The following OSBP variants were observed in gnomAD, a reference collection of about 807,000 sequenced individuals.
The protein encoded by OSBP is oxysterol binding protein.
OSBP carries 32 observed loss-of-function variants against 96.6 expected under a neutral mutation model. The ratio of observed to expected loss-of-function variants is 0.33; its 90% CI spans 0.25 to 0.45. The LOEUF is 0.45. OSBP is among the 20% of genes least tolerant of loss of function. The probability of loss-of-function intolerance (pLI) is 1.00; values close to 1 mark genes in which losing one functional copy is unlikely to be tolerated. For missense variants in OSBP, 653 were observed against 1,029.7 expected (o/e 0.63, Z 5.01); for synonymous variants, 369 against 389.6 (o/e 0.95, Z 0.62).
At chr11:59,607,061 ATAAAGGGATGCTT>A (rs1860788436) in intron 3 of OSBP, among the ~76,000 whole-genome samples, 1 of 152,238 alleles carries the variant, frequency 6.6e-6, no homozygotes, top group South Asian at 2.1e-4. Flanking sequence ...GTTTAGGTTT[ATAAAGGGATGCTT>A]TACTTAGCAA....
chr11:59,599,538 G>A (rs1160362621), intron 7 of OSBP, among the ~76,000 whole-genome samples: 1 of 152,078 alleles, frequency 6.6e-6, no homozygotes, highest in Admixed American at 6.6e-5. Flanking sequence ...TAGGCACCCA[G>A]AAAATGCTTG....
chr11:59,606,658 C>T (rs1242644811), intron 3 of OSBP, among the ~76,000 whole-genome samples: 1 of 152,216 alleles, frequency 6.6e-6, no homozygotes, highest in East Asian at 1.9e-4. Context: ...AACAAACCTG[C>T]ACACGTGCCC....
intron 9 of OSBP, among the ~76,000 whole-genome samples, chr11:59,586,605 A>T (rs1039924251): frequency 1.3e-5 from 2 of 152,224 alleles, no homozygotes; most frequent in Admixed American, 1.3e-4. Context: ...GCCAAAGAAC[A>T]AAGCTAGAGG....
In OSBP at chr11:59,574,420, T is replaced by C. The variant is rs1233671464; in HGVS notation, c.*2157A>G. On this transcript the variant is annotated 3_prime_UTR_variant, in exon 14 of 14. Coordinates refer to ENST00000263847, the MANE Select transcript of OSBP (RefSeq NM_002556.3). ...ATATGACTTTTAAAAAATTATTTAA[T>C]TTAGTAGTTTTTTTTTTTTGGAAAA... 6.6e-6 allele frequency: 1 copy of C among 150,866 alleles called. No individual in the cohort carries two copies. The highest frequency in any genetic ancestry group is 1.9e-4 in the East Asian group (1 of 5,190). 9.3% of individuals were successfully genotyped at this position (150,866 alleles called of 1,614,324 possible). A position where few individuals can be genotyped will look rare whatever the true frequency, so the allele number is the denominator to read the frequency against.
intron 8 of OSBP, 78 bp downstream of exon 8, chr11:59,593,932 A>G (rs1860616986): frequency 1.3e-6 from 2 of 1,550,364 alleles, no homozygotes; most frequent in Admixed American, 1.9e-5. Flanking sequence ...TTCTGCAAAC[A>G]TAAGACCCAG....
Position 59,584,837 on chromosome 11 carries a change from G to C in OSBP, c.1679-3283C>G, listed in dbSNP as rs532998007. On this transcript the variant is annotated intron_variant, in intron 9 of 13. Transcript: ENST00000263847. Reference sequence around the variant, plus strand: ...AAATAAAAGGCATCCAAGATGGAAAGAAAGAGATAAAATTATCTGTGTTTG... The same window carrying C: ...AAATAAAAGGCATCCAAGATGGAAACAAAGAGATAAAATTATCTGTGTTTG... 2.6e-5 allele frequency among the ~76,000 whole-genome samples: 4 copies of C among 152,124 alleles called. No homozygotes were observed. In the East Asian group the frequency reaches 5.8e-4, roughly 22 times the overall value.
intron 11 of OSBP, 84 bp downstream of exon 11, chr11:59,580,090 T>G: frequency 1.1e-6 from 1 of 884,514 alleles, no homozygotes. Context: ...CCACCCCACA[T>G]GTATATACAT....
intron 7 of OSBP, among the ~76,000 whole-genome samples, chr11:59,599,095 C>T (rs769417920): frequency 2.6e-5 from 4 of 152,220 alleles, no homozygotes; most frequent in Non-Finnish European, 4.4e-5. Context: ...TGGGCTTGAA[C>T]ATAATGAGTT....
At chr11:59,592,101 C>T (rs576416023) in intron 9 of OSBP, among the ~76,000 whole-genome samples, 1 of 152,302 alleles carries the variant, frequency 6.6e-6, no homozygotes, top group South Asian at 2.1e-4. Flanking sequence ...CCACTGACAC[C>T]CAAATTCTGC....
intron 2 of OSBP, among the ~76,000 whole-genome samples, chr11:59,609,878 TTAAG>T (rs1461217279): frequency 1.3e-5 from 2 of 151,978 alleles, no homozygotes; most frequent in African/African-American, 2.4e-5. Flanking sequence ...TAACAAAGAG[TTAAG>T]TAAGAAGGTA....
intron 3 of OSBP, among the ~76,000 whole-genome samples, chr11:59,606,758 A>T (rs942680418): frequency 6.6e-6 from 1 of 152,250 alleles, no homozygotes; most frequent in African/African-American, 2.4e-5. Context: ...TAGAGCTGTG[A>T]TGCTCTAGCA....
chr11:59,582,233 AG>A (rs1271953087), intron 9 of OSBP, among the ~76,000 whole-genome samples: 1 of 152,256 alleles, frequency 6.6e-6, no homozygotes, highest in African/African-American at 2.4e-5. Context: ...TTAGGATGCC[AG>A]GCTCCACCAT....
chr11:59,578,467 T>C, intron 11 of OSBP, 137 bp from the exon 12 acceptor site: 1 of 806,042 alleles, frequency 1.2e-6, no homozygotes, highest in Non-Finnish European at 2.0e-6. Context: ...AAATTATTAT[T>C]AGAGATGGGA....
chr11:59,595,986 A>T (rs1420572208), intron 7 of OSBP, among the ~76,000 whole-genome samples: 1 of 150,106 alleles, frequency 6.7e-6, no homozygotes, highest in Non-Finnish European at 1.5e-5. Context: ...TAAATAAATA[A>T]ATAAATAAAT....
At chr11:59,577,903 C>A (rs1860378649) in intron 12 of OSBP, among the ~76,000 whole-genome samples, 2 of 152,216 alleles carry the variant, frequency 1.3e-5, no homozygotes, top group Non-Finnish European at 2.9e-5. Flanking sequence ...GAATCACAAT[C>A]CAAAGGACCT....
intron 9 of OSBP, among the ~76,000 whole-genome samples, chr11:59,585,364 C>T (rs1300289499): frequency 3.1e-5 from 3 of 97,380 alleles, no homozygotes; most frequent in Admixed American, 2.0e-4. Flanking sequence ...TCTGCCCGGC[C>T]GCCCCGTCTG....
At chr11:59,584,389 C>G (rs1860468443) in intron 9 of OSBP, among the ~76,000 whole-genome samples, 1 of 152,100 alleles carries the variant, frequency 6.6e-6, no homozygotes, top group Admixed American at 6.6e-5. Flanking sequence ...TAACAATCCT[C>G]AATAAAAAAC....
At chr11:59,578,466 T>C (rs1860384734) in intron 11 of OSBP, 136 bp from the exon 12 acceptor site, 3 of 815,030 alleles carry the variant, frequency 3.7e-6, no homozygotes, top group East Asian at 2.6e-5. Context: ...CAAATTATTA[T>C]TAGAGATGGG....
intron 9 of OSBP, 169 bp downstream of exon 9, chr11:59,593,435 C>T (rs1860609731): frequency 1.5e-6 from 1 of 648,148 alleles, no homozygotes; most frequent in Non-Finnish European, 2.7e-6. Flanking sequence ...CTAGCCTCCA[C>T]ACTCATTTGA....
Sources: gnomAD v4.1 joint callset for allele counts (sites outside exome capture counted in the v4.1 genomes callset) on GRCh38, gnomAD v4.1.1 for gene constraint, MANE v1.5 for transcripts, NCBI Gene and HGNC (gene_info 2026-07-23, HGNC 2026-07-21) for gene names.